Variants in PAPPA2 observed in about 807,000 individuals in gnomAD.
PAPPA2 encodes the protein pappalysin 2.
A neutral mutation model predicts 176.4 loss-of-function variants in PAPPA2; 86 were observed. That is an observed-to-expected ratio of 0.49 (90% CI 0.41 to 0.58). PAPPA2 has a LOEUF of 0.58. Among genes scored for constraint, PAPPA2 ranks in the 20% least tolerant of loss-of-function variants. The pLI is 0.00. For synonymous variants in PAPPA2, 809 were observed against 852.2 expected (o/e 0.95, Z 0.88); for missense variants, 2,073 against 2,256.9 (o/e 0.92, Z 1.65).
At chr1:176,561,396 G>A (rs1397834010) in intron 2 of PAPPA2, among the ~76,000 whole-genome samples, 1 of 152,152 alleles carries the variant, frequency 6.6e-6, no homozygotes, top group Non-Finnish European at 1.5e-5. Flanking sequence ...ATTACTGGGA[G>A]CAGCACGTTA....
At chr1:176,570,451 A>G (rs1426221344) in intron 2 of PAPPA2, among the ~76,000 whole-genome samples, 1 of 152,194 alleles carries the variant, frequency 6.6e-6, no homozygotes, top group Non-Finnish European at 1.5e-5. Context: ...ATTAACTCCA[A>G]CTTCATGCAG....
chr1:176,584,908 A>G (rs1438064262), intron 2 of PAPPA2, among the ~76,000 whole-genome samples: 1 of 151,716 alleles, frequency 6.6e-6, no homozygotes, highest in East Asian at 1.9e-4. Flanking sequence ...TAATTTTTGT[A>G]TTTTGTATTT....
chr1:176,654,798 C>G (rs150595175), intron 3 of PAPPA2, among the ~76,000 whole-genome samples: 1 of 151,746 alleles, frequency 6.6e-6, no homozygotes, highest in East Asian at 1.9e-4. Flanking sequence ...ACTTATGTGG[C>G]TAAGTGTATT....
chr1:176,542,314 G>A, intron 1 of PAPPA2, among the ~76,000 whole-genome samples: 1 of 152,006 alleles, frequency 6.6e-6, no homozygotes. Flanking sequence ...ATTTGAGTAT[G>A]GTGAGAAATG....
chr1:176,726,920 A>G (rs1043413373), intron 12 of PAPPA2, among the ~76,000 whole-genome samples: 6 of 152,230 alleles, frequency 3.9e-5, no homozygotes, highest in Admixed American at 1.3e-4. Flanking sequence ...GAGAAATAAT[A>G]TATATGACCA....
At chr1:176,533,341 G>A (rs147359106) in intron 1 of PAPPA2, among the ~76,000 whole-genome samples, 2 of 152,340 alleles carry the variant, frequency 1.3e-5, no homozygotes, top group African/African-American at 4.8e-5. Context: ...CTGTGACTCT[G>A]TCCATAGATT....
intron 1 of PAPPA2, among the ~76,000 whole-genome samples, chr1:176,485,590 A>ATT (rs530078040): frequency 1.7e-3 from 262 of 152,062 alleles, no homozygotes; most frequent in African/African-American, 6.0e-3. Context: ...CACTCCTGGC[A>ATT]TTATATATAT....
intron 10 of PAPPA2, among the ~76,000 whole-genome samples, chr1:176,707,349 T>A (rs528143160): frequency 1.3e-5 from 2 of 152,192 alleles, no homozygotes; most frequent in East Asian, 3.9e-4. Flanking sequence ...TTGGTGGTCC[T>A]CTCTCCATAA....
intron 3 of PAPPA2, among the ~76,000 whole-genome samples, chr1:176,626,716 A>C (rs1378573574): frequency 6.6e-6 from 1 of 152,148 alleles, no homozygotes; most frequent in East Asian, 1.9e-4. Flanking sequence ...TGGGGAAAAG[A>C]AGAGTGTAAT....
At chr1:176,485,646 A>G (rs1418661877) in intron 1 of PAPPA2, among the ~76,000 whole-genome samples, 1 of 152,220 alleles carries the variant, frequency 6.6e-6, no homozygotes, top group East Asian at 1.9e-4. Context: ...ATACATAGAT[A>G]TAAGCTGCAA....
intron 3 of PAPPA2, among the ~76,000 whole-genome samples, chr1:176,640,478 T>C (rs925976031): frequency 1.3e-5 from 2 of 151,626 alleles, no homozygotes; most frequent in Non-Finnish European, 2.9e-5. Flanking sequence ...TTACTGAGAA[T>C]GATGATTTCC....
At chr1:176,676,011 A>G (rs1291668311) in intron 4 of PAPPA2, among the ~76,000 whole-genome samples, 1 of 152,118 alleles carries the variant, frequency 6.6e-6, no homozygotes, top group African/African-American at 2.4e-5. Context: ...AGAGAAGTGC[A>G]AATGAAACCA....
At position 176,512,823 on chromosome 1, in the gene PAPPA2, A is replaced by G. The variant is rs577446616; in HGVS notation, c.-916-42584A>G. Among the ~76,000 whole-genome samples the G allele has an allele frequency of 1.2e-4, 19 of 152,342 alleles. No homozygotes were observed. The South Asian group carries it at 3.7e-3, about 30-fold the overall frequency. Reference sequence around the variant, plus strand: ...ATTAATAAAACATTTTGAGCCCTTTACATTTCAGCCTGTGTTTACAAATTA... The same window carrying G: ...ATTAATAAAACATTTTGAGCCCTTTGCATTTCAGCCTGTGTTTACAAATTA... On this transcript the variant is annotated intron_variant, in intron 1 of 22. Coordinates refer to ENST00000367662, the MANE Select transcript of PAPPA2 (RefSeq NM_020318.3).
At chr1:176,796,166 GA>G (rs1026827944) in intron 20 of PAPPA2, among the ~76,000 whole-genome samples, 36 of 152,308 alleles carry the variant, frequency 2.4e-4, no homozygotes, top group African/African-American at 7.7e-4. Flanking sequence ...ATGAGTCATG[GA>G]AAGGTCTTCT....
intron 1 of PAPPA2, among the ~76,000 whole-genome samples, chr1:176,463,698 G>T (rs1414422120): frequency 6.6e-6 from 1 of 152,138 alleles, no homozygotes; most frequent in African/African-American, 2.4e-5. Flanking sequence ...ACAACCTTTG[G>T]CTGCCTGGTC....
At chr1:176,746,643 A>T (rs986401413) in intron 14 of PAPPA2, among the ~76,000 whole-genome samples, 1 of 152,226 alleles carries the variant, frequency 6.6e-6, no homozygotes, top group Non-Finnish European at 1.5e-5. Context: ...AAAGACCAAC[A>T]TAAAGTATAA....
At chr1:176,595,813 T>C (rs984627777) in intron 3 of PAPPA2, among the ~76,000 whole-genome samples, 3 of 152,194 alleles carry the variant, frequency 2.0e-5, no homozygotes, top group Admixed American at 6.5e-5. Context: ...CAGAACTCAC[T>C]GTTTGTGGGG....
intron 1 of PAPPA2, among the ~76,000 whole-genome samples, chr1:176,520,184 C>T (rs1649136003): frequency 6.6e-6 from 1 of 152,162 alleles, no homozygotes; most frequent in Non-Finnish European, 1.5e-5. Flanking sequence ...TCCTCCTTGT[C>T]CAACTCTGCC....
chr1:176,556,344 A>G lies in PAPPA2; in HGVS notation c.22A>G (p.Arg8Gly), dbSNP rs780278543. ...AGGTATGATGTGCTTAAAGATCCTA[A>G]GAATAAGCCTGGCGATTTTGGCTGG... is the stretch of plus-strand genomic sequence containing the variant. The part of the protein sequence containing the change: MMCLKIL[R>G]ISLAILAGWA... Residue 8 changes from arginine to glycine, a missense_variant, in exon 2 of 23, where the codon AGA (arginine) becomes GGA (glycine). Physicochemically the swap from Arg to Gly is moderately radical, Grantham distance 125. Transcript: ENST00000367662. 2.5e-6 allele frequency: 4 copies of G among 1,613,972 alleles called. No individual in the cohort carries two copies. The South Asian group carries it at 3.3e-5, about 13-fold the overall frequency.
Sources: gnomAD v4.1 joint callset for allele counts (sites outside exome capture counted in the v4.1 genomes callset) on GRCh38, gnomAD v4.1.1 for gene constraint, MANE v1.5 for transcripts, NCBI Gene and HGNC (gene_info 2026-07-23, HGNC 2026-07-21) for gene names.